MORN4: variants seen among roughly 807,000 people sequenced by gnomAD.
MORN4 encodes MORN repeat containing 4.
Under a neutral mutation model 16.4 loss-of-function variants are expected in MORN4, and 8 were observed. The ratio of observed to expected loss-of-function variants is 0.49; its 90% CI spans 0.29 to 0.88. The LOEUF (loss-of-function observed/expected upper bound fraction) is 0.88. MORN4 is among the 40% of genes least tolerant of loss of function. The pLI, the probability that MORN4 is intolerant of heterozygous loss-of-function variation, is 0.09. For missense variants in MORN4, 159 were observed against 182.9 expected (o/e 0.87, Z 0.75); for synonymous variants, 53 against 68.9 (o/e 0.77, Z 1.14).
chr10:97,619,835 AC>A (rs985408555), intron 1 of MORN4, among the ~76,000 whole-genome samples, 152 bp from the exon 2 acceptor site: 4 of 152,144 alleles, frequency 2.6e-5, no homozygotes, highest in Admixed American at 6.5e-5. Flanking sequence ...ATCTCCAACC[AC>A]CACCAGCACC....
intron 1 of MORN4, among the ~76,000 whole-genome samples, chr10:97,626,624 T>A (rs992394235): frequency 2.6e-5 from 4 of 151,636 alleles, no homozygotes; most frequent in African/African-American, 9.7e-5. Flanking sequence ...GCTGGCTAAT[T>A]TTTGTATTTT....
chr10:97,619,436 C>T (rs1460842994), intron 2 of MORN4, 151 bp downstream of exon 2: 3 of 670,616 alleles, frequency 4.5e-6, no homozygotes, highest in South Asian at 1.7e-5. Flanking sequence ...TTATTTAATC[C>T]TAAAATGGAA....
intron 1 of MORN4, among the ~76,000 whole-genome samples, chr10:97,630,140 G>T (rs887789328): frequency 4.6e-5 from 7 of 152,036 alleles, no homozygotes; most frequent in African/African-American, 1.7e-4. Flanking sequence ...TGTTAGCCAG[G>T]ATGGTCTCGA....
In MORN4 at chr10:97,620,405, T is replaced by C. The variant is rs556780370; in HGVS notation, c.-30-722A>G. Among the ~76,000 whole-genome samples the C allele has an allele frequency of 1.1e-4, 16 of 147,500 alleles. 1 individual carries two copies. In the South Asian group the frequency reaches 2.6e-3, roughly 24 times the overall value. The stretch of plus-strand genomic sequence containing the variant: ...TGGGAGGCTGAGGCGGGAGAATCAC[T>C]TAAACCCGGGAGGCGGAGGTTGTAG... On this transcript the variant is annotated intron_variant, in intron 1 of 4. Transcript: ENST00000307450.
intron 2 of MORN4, chr10:97,619,267 G>A (rs1039715224): frequency 4.8e-6 from 2 of 417,990 alleles, no homozygotes; most frequent in Non-Finnish European, 4.3e-6. Context: ...AGAGGTTGCA[G>A]TGAGCTGAGA....
At position 97,626,169 on chromosome 10, in the gene MORN4, G is replaced by C. The variant is rs1177999453; in HGVS notation, c.-30-6486C>G. ...GCTAAGATGGATCACCTGAGGTCAG[G>C]AGTTCGAGACCAGCCTGGCCAACAT... is the stretch of plus-strand genomic sequence containing the variant. On this transcript the variant is annotated intron_variant, in intron 1 of 4. Transcript: ENST00000307450. Among the ~76,000 whole-genome samples the C allele has an allele frequency of 2.0e-5, 3 of 151,608 alleles. No homozygotes were observed. The East Asian group carries it at 5.9e-4, about 30-fold the overall frequency.
chr10:97,622,781 T>C (rs1328489809), intron 1 of MORN4, among the ~76,000 whole-genome samples: 1 of 150,870 alleles, frequency 6.6e-6, no homozygotes, highest in Non-Finnish European at 1.5e-5. Flanking sequence ...AAATAGTACG[T>C]CATTTGATAG....
In MORN4 at chr10:97,616,301, G is replaced by A. The variant is rs752538549; in HGVS notation, c.403C>T (p.Gln135Ter). Residue 135 changes from glutamine (Q) to a stop codon, truncating the protein, a stop_gained, in exon 5 of 5, where the codon CAG (glutamine) becomes TAG (stop). Coordinates refer to ENST00000307450, the MANE Select transcript of MORN4 (RefSeq NM_178832.4). LOFTEE classifies it high-confidence loss of function. ...EKCSAIVQRA[Q>*]SASKSARNLT... ...TTTCTGGCTGACTTGGAGGCGCTCT[G>A]GGCCCGCTGAACAATGGCAGAACAC... The A allele has an allele frequency of 1.9e-6, 3 of 1,612,090 alleles. No homozygotes were observed. The highest frequency in any genetic ancestry group is 4.5e-5 in the East Asian group (2 of 44,830).
At chr10:97,616,831 G>C (rs772873258) in intron 3 of MORN4, 44 bp from the exon 4 acceptor site, 2 of 1,375,764 alleles carry the variant, frequency 1.5e-6, no homozygotes, top group Admixed American at 1.7e-5. Context: ...AAAGTTAGCT[G>C]TCCAGATGAA....
chr10:97,630,833 T>C (rs765385101), intron 1 of MORN4, among the ~76,000 whole-genome samples: 3 of 152,084 alleles, frequency 2.0e-5, no homozygotes, highest in African/African-American at 4.8e-5. Flanking sequence ...GTATAGTCAG[T>C]GCCGATGAAG....
intron 2 of MORN4, 119 bp from the exon 3 acceptor site, chr10:97,617,441 T>C: frequency 1.2e-6 from 1 of 805,480 alleles, no homozygotes. Flanking sequence ...AGAGAAGCAG[T>C]GACATTAGCA....
At chr10:97,625,930 A>G (rs2041342011) in intron 1 of MORN4, among the ~76,000 whole-genome samples, 1 of 152,070 alleles carries the variant, frequency 6.6e-6, no homozygotes, top group Non-Finnish European at 1.5e-5. Context: ...ACCATGCCCA[A>G]CTAACTTTTT....
chr10:97,617,371 G>A (rs1362783530), intron 2 of MORN4, 49 bp from the exon 3 acceptor site: 4 of 1,442,048 alleles, frequency 2.8e-6, no homozygotes, highest in Non-Finnish European at 3.9e-6. Context: ...GCAGCTTCAG[G>A]GTCCCTTCTT....
At chr10:97,621,694 T>A (rs2041294952) in intron 1 of MORN4, among the ~76,000 whole-genome samples, 1 of 152,002 alleles carries the variant, frequency 6.6e-6, no homozygotes, top group Non-Finnish European at 1.5e-5. Flanking sequence ...AGAAATCCTG[T>A]CTCTACTAAA....
At chr10:97,629,663 C>T (rs1161512287) in intron 1 of MORN4, among the ~76,000 whole-genome samples, 2 of 152,182 alleles carry the variant, frequency 1.3e-5, no homozygotes, top group Non-Finnish European at 2.9e-5. Flanking sequence ...CATTCCATCC[C>T]ATATCAGGGA....
In MORN4 at chr10:97,626,066, C is replaced by CTTTT. The variant is rs74855674; in HGVS notation, c.-30-6387_-30-6384dup. ...TGAGCCACCACACCCAGCCTCATGC[C>CTTTT]TTTTTTTTTTTTTTTTTTAAAGAGA... is the stretch of plus-strand genomic sequence containing the variant. On this transcript the variant is annotated intron_variant, in intron 1 of 4. Coordinates refer to ENST00000307450, the MANE Select transcript of MORN4 (RefSeq NM_178832.4). 2.2e-4 allele frequency among the ~76,000 whole-genome samples: 31 copies of CTTTT among 140,798 alleles called. 3 individuals carry two copies. The highest frequency in any genetic ancestry group is 2.0e-4 in the Non-Finnish European group (13 of 64,470). 92.4% of individuals were successfully genotyped at this position (140,798 alleles called of 152,430 possible). A position where few individuals can be genotyped will look rare whatever the true frequency, so the allele number is the denominator to read the frequency against.
chr10:97,619,803 T>C (rs1330667140), intron 1 of MORN4, 120 bp from the exon 2 acceptor site: 1 of 686,680 alleles, frequency 1.5e-6, no homozygotes, highest in Middle Eastern at 3.8e-4. Context: ...CTGCCTTAGG[T>C]GCATTTAACC....
At chr10:97,632,211 C>CTTTT (rs2041401637) in intron 1 of MORN4, among the ~76,000 whole-genome samples, 1 of 139,316 alleles carries the variant, frequency 7.2e-6, no homozygotes, top group South Asian at 2.3e-4. Flanking sequence ...ATAATACTCC[C>CTTTT]CTTTTTTTTT....
In MORN4 at chr10:97,633,304, C is replaced by A. The variant is rs778556956; in HGVS notation, c.-31+43G>T. The A allele has an allele frequency of 7.1e-4, 918 of 1,286,304 alleles. No homozygotes were observed. The highest frequency in any genetic ancestry group is 8.6e-4 in the Non-Finnish European group (854 of 987,314). 79.7% of individuals were successfully genotyped at this position (1,286,304 alleles called of 1,614,324 possible). ...GTTCCTCAGTGCCCACCTGACCGAT[C>A]ACACTCTTTCCCGGCCCCCTCCCTC... On this transcript the variant is annotated intron_variant, in intron 1 of 4. Coordinates refer to ENST00000307450, the MANE Select transcript of MORN4 (RefSeq NM_178832.4). This position sits in a 1 kb window ranked among gnomAD's most constrained non-coding sequence, Gnocchi z 4.5.
Sources: gnomAD v4.1 joint callset for allele counts (sites outside exome capture counted in the v4.1 genomes callset) on GRCh38, gnomAD v4.1.1 for gene constraint, Gnocchi (gnomAD v3.1) non-coding constraint, MANE v1.5 for transcripts, NCBI Gene and HGNC (gene_info 2026-07-23, HGNC 2026-07-21) for gene names.